Variants in ENOX2 observed in about 807,000 individuals in gnomAD.
The protein encoded by ENOX2 is ecto-NOX disulfide-thiol exchanger 2, also known as APK1 antigen.
Under a neutral mutation model 45.0 loss-of-function variants are expected in ENOX2, and 36 were observed. The observed-to-expected ratio is 0.80, with a 90% CI of 0.61 to 1.06. ENOX2 has a LOEUF of 1.06. Among genes scored for constraint, ENOX2 ranks in the 50% least tolerant of loss-of-function variants. The pLI is 0.00. For synonymous variants in ENOX2, 174 were observed against 152.3 expected, an observed-to-expected ratio of 1.14 and a Z score of -1.05; for missense variants, 423 against 462.5, an observed-to-expected ratio of 0.91 and a Z score of 0.78.
chrX:130,676,742 C>T (rs2037162957), intron 6 of ENOX2, among the ~76,000 whole-genome samples: 1 of 111,483 alleles, frequency 9.0e-6, no homozygotes, highest in South Asian at 3.8e-4. Flanking sequence ...CTTTCCTTAC[C>T]CATGTTACCA....
chrX:130,792,171 T>G (rs1301505850), intron 2 of ENOX2, among the ~76,000 whole-genome samples: 1 of 112,357 alleles, frequency 8.9e-6, no homozygotes, highest in Non-Finnish European at 1.9e-5. Context: ...AAATACTGTA[T>G]GTTCTCACTT....
At chrX:130,902,083 C>A (rs973576953) in intron 1 of ENOX2, among the ~76,000 whole-genome samples, 1 of 111,586 alleles carries the variant, frequency 9.0e-6, no homozygotes, top group African/African-American at 3.3e-5. Context: ...AGGGCTTCAG[C>A]ACTTCCCGGG....
At chrX:130,902,180 G>A (rs1391480174) in intron 1 of ENOX2, among the ~76,000 whole-genome samples, 1 of 111,480 alleles carries the variant, frequency 9.0e-6, no homozygotes, top group Admixed American at 9.5e-5. Context: ...GCACACGTTT[G>A]TAATAATACA....
chrX:130,808,968 T>C (rs905467127), intron 2 of ENOX2, among the ~76,000 whole-genome samples: 3 of 112,272 alleles, frequency 2.7e-5, no homozygotes, highest in Non-Finnish European at 5.6e-5. Flanking sequence ...TTGTATGTGA[T>C]ATAAAGACCA....
intron 2 of ENOX2, among the ~76,000 whole-genome samples, chrX:130,804,010 C>T (rs2077261057): frequency 9.0e-6 from 1 of 111,515 alleles, no homozygotes; most frequent in African/African-American, 3.3e-5. Context: ...TTTCTGCCTC[C>T]TTCCCCATCA....
chrX:130,733,397 T>C (rs1257858086), intron 3 of ENOX2, among the ~76,000 whole-genome samples: 1 of 110,533 alleles, frequency 9.0e-6, no homozygotes, highest in African/African-American at 3.3e-5. Flanking sequence ...GCTAGGATTC[T>C]GGAAAAGTTT....
intron 10 of ENOX2, chrX:130,645,795 C>G: frequency 1.2e-6 from 1 of 807,004 alleles, no homozygotes. Context: ...GGTCTTTGGG[C>G]TGTCGCTTGT....
At chrX:130,733,377 C>A (rs2038783992) in intron 3 of ENOX2, among the ~76,000 whole-genome samples, 1 of 107,863 alleles carries the variant, frequency 9.3e-6, no homozygotes, top group African/African-American at 3.4e-5. Flanking sequence ...AGTGACAACA[C>A]CAAATGCTGG....
At chrX:130,830,567 T>C (rs2077804298) in intron 2 of ENOX2, among the ~76,000 whole-genome samples, 2 of 112,382 alleles carry the variant, frequency 1.8e-5, no homozygotes, top group South Asian at 7.4e-4. Flanking sequence ...AATCCCATCC[T>C]TTCTTGCTGC....
At chrX:130,669,821 T>C in intron 7 of ENOX2, 144 bp downstream of exon 7, 3 of 480,789 alleles carry the variant, frequency 6.2e-6, no homozygotes, top group Non-Finnish European at 3.6e-6. Context: ...TACACCTCTC[T>C]ATCTGCAAGG....
intron 2 of ENOX2, among the ~76,000 whole-genome samples, chrX:130,880,233 A>C (rs770779539): frequency 8.9e-6 from 1 of 112,065 alleles, no homozygotes; most frequent in South Asian, 3.7e-4. Flanking sequence ...GCAATTGAAA[A>C]GTATACAAAG....
At position 130,887,902 on chromosome X, in the gene ENOX2, G is replaced by C. The variant is rs761719085; in HGVS notation, c.-183+13782C>G. ...CTTTCCTCTGGCTACCCTTATTCCT[G>C]AGAAATCAACATTCAGAATGAATAT... is the stretch of plus-strand genomic sequence containing the variant. On this transcript the variant is annotated intron_variant, in intron 2 of 14. Transcript: ENST00000394363. Among the ~76,000 whole-genome samples, 6 of 111,810 alleles carry C rather than the reference G, an allele frequency of 5.4e-5. No individual in the cohort carries two copies. In the South Asian group the frequency reaches 1.5e-3, roughly 28 times the overall value.
intron 3 of ENOX2, among the ~76,000 whole-genome samples, chrX:130,736,329 A>C (rs1198199581): frequency 9.1e-6 from 1 of 110,186 alleles, no homozygotes; most frequent in Non-Finnish European, 1.9e-5. Flanking sequence ...ACCACACTCC[A>C]GCCTGGGTGA....
chrX:130,723,968 C>A (rs2038546127), intron 3 of ENOX2, among the ~76,000 whole-genome samples: 1 of 111,768 alleles, frequency 8.9e-6, no homozygotes, highest in Admixed American at 9.5e-5. Flanking sequence ...CCCGTCCCCC[C>A]GCAGGATATG....
In ENOX2 at chrX:130,623,448, G is replaced by A. The variant is rs1378068082; in HGVS notation, c.*1866C>T. 2 of 110,806 alleles carry A rather than the reference G, an allele frequency of 1.8e-5. No individual in the cohort carries two copies. The highest frequency in any genetic ancestry group is 1.9e-4 in the Admixed American group (2 of 10,383). 9.1% of individuals were successfully genotyped at this position (110,806 alleles called of 1,213,427 possible). On this transcript the variant is annotated 3_prime_UTR_variant, in exon 15 of 15. Coordinates refer to ENST00000394363, the MANE Select transcript of ENOX2 (RefSeq NM_006375.4). ...TGTTACATAGGTGAACGTGTGCCAT[G>A]GTGGTTTTGCTGCACCTCAACCCAT... is the stretch of plus-strand genomic sequence containing the variant.
intron 2 of ENOX2, among the ~76,000 whole-genome samples, chrX:130,822,767 T>G (rs2077641902): frequency 1.8e-5 from 2 of 110,896 alleles, no homozygotes; most frequent in Non-Finnish European, 3.8e-5. Flanking sequence ...CCCTAAAACT[T>G]AAAGTATAAT....
In ENOX2 at chrX:130,638,819, T is replaced by C. The variant is rs2036004761; in HGVS notation, c.1130-1409A>G. ...AATTAACAAATTGCTGGAGGCTCAG[T>C]GTGGACAAGTCTGTGAAATTAGCTG... On this transcript the variant is annotated intron_variant, in intron 10 of 14. Transcript: ENST00000394363. Among the ~76,000 whole-genome samples the C allele has an allele frequency of 2.7e-5, 3 of 111,003 alleles. No individual in the cohort carries two copies. In the South Asian group the frequency reaches 1.2e-3, roughly 43 times the overall value.
chrX:130,790,372 A>G (rs2077025362), intron 2 of ENOX2, among the ~76,000 whole-genome samples: 2 of 111,855 alleles, frequency 1.8e-5, no homozygotes, highest in South Asian at 7.5e-4. Context: ...CAAGTCACTA[A>G]AGTCTCTCAT....
intron 2 of ENOX2, among the ~76,000 whole-genome samples, chrX:130,854,725 G>A (rs2078276795): frequency 9.0e-6 from 1 of 111,575 alleles, no homozygotes; most frequent in Non-Finnish European, 1.9e-5. Context: ...CATACATCAT[G>A]TCCAATTGAG....
Sources: allele counts gnomAD v4.1 joint callset (sites outside exome capture counted in the v4.1 genomes callset), GRCh38; gene constraint gnomAD v4.1.1; transcripts MANE v1.5; gene names NCBI Gene and HGNC (gene_info 2026-07-23, HGNC 2026-07-21).